The following MIS18BP1 variants were observed in gnomAD, a reference collection of about 807,000 sequenced individuals.
The protein encoded by MIS18BP1 is MIS18 binding protein 1.
In MIS18BP1, 72 loss-of-function variants were observed where a neutral mutation model predicts 116.1. That is an observed-to-expected ratio of 0.62 (90% CI 0.51 to 0.75). The LOEUF is 0.75. MIS18BP1 is among the 30% of genes least tolerant of loss of function. The probability of loss-of-function intolerance (pLI) is 0.00; values close to 1 mark genes in which losing one functional copy is unlikely to be tolerated. For synonymous variants in MIS18BP1, 386 were observed against 427.0 expected, an observed-to-expected ratio of 0.90 and a Z score of 1.18; for missense variants, 1,363 against 1,303.2, an observed-to-expected ratio of 1.05 and a Z score of -0.71.
intron 9 of MIS18BP1, 109 bp downstream of exon 9, chr14:45,227,549 GAAAAA>G: frequency 3.1e-6 from 2 of 645,834 alleles, no homozygotes; most frequent in Non-Finnish European, 4.6e-6. Flanking sequence ...CATCTCAAAA[GAAAAA>G]AAAAAAAAAA....
Position 45,247,077 on chromosome 14 carries a change from G to C in MIS18BP1, c.210C>G (p.Asn70Lys). 6.2e-7 allele frequency: 1 copy of C among 1,612,298 alleles called. No homozygotes were observed. Residue 70 changes from asparagine to lysine, a missense_variant, in exon 2 of 17, where the codon AAC becomes AAG. Physicochemically the swap from Asn to Lys is moderately conservative, Grantham distance 94 (BLOSUM62 0). Transcript: ENST00000310806. Reference protein sequence around the residue: ...KNQFLKMTTFNNKNIFQSTML... With the variant: ...KNQFLKMTTFKNKNIFQSTML... ...TAGTTGATTGAAATATATTTTTATT[G>C]TTAAAAGTTGTCATTTTTAGGAACT...
At chr14:45,233,775 A>G (rs1312618976) in intron 6 of MIS18BP1, among the ~76,000 whole-genome samples, 1 of 152,194 alleles carries the variant, frequency 6.6e-6, no homozygotes, top group African/African-American at 2.4e-5. Flanking sequence ...GGTTAAGCAA[A>G]TTTAAGGGAG....
intron 13 of MIS18BP1, among the ~76,000 whole-genome samples, chr14:45,213,172 G>A (rs1890722283): frequency 6.6e-6 from 1 of 152,158 alleles, no homozygotes; most frequent in Non-Finnish European, 1.5e-5. Flanking sequence ...CCAAAGTGCT[G>A]GGACTACAGG....
At position 45,232,831 on chromosome 14, in the gene MIS18BP1, A is replaced by G. The variant is rs373340723; in HGVS notation, c.1349-11T>C. ...GATAATTTGGATATCCTATTTAAGG[A>G]TAAACAACAACAAAAAGTATTTAAA... On this transcript the variant is annotated splice_polypyrimidine_tract_variant and intron_variant, in intron 6 of 16. Coordinates refer to ENST00000310806, the MANE Select transcript of MIS18BP1 (RefSeq NM_018353.5). The G allele has an allele frequency of 5.8e-6, 7 of 1,207,314 alleles. No individual in the cohort carries two copies. The African/African-American group carries it at 1.1e-4, about 18-fold the overall frequency. 74.8% of individuals were successfully genotyped at this position (1,207,314 alleles called of 1,614,324 possible). A position where few individuals can be genotyped will look rare whatever the true frequency, so the allele number is the denominator to read the frequency against.
At chr14:45,232,015 G>A (rs944307025) in intron 7 of MIS18BP1, among the ~76,000 whole-genome samples, 1 of 152,106 alleles carries the variant, frequency 6.6e-6, no homozygotes, top group East Asian at 1.9e-4. Context: ...ATTACTCTTT[G>A]ACATATGTCA....
intron 12 of MIS18BP1, 125 bp from the exon 13 acceptor site, chr14:45,217,304 C>T (rs1890847973): frequency 1.8e-6 from 2 of 1,124,104 alleles, no homozygotes; most frequent in East Asian, 4.8e-5. Flanking sequence ...AAAACTCAGC[C>T]TTGGCCAGGC....
intron 13 of MIS18BP1, among the ~76,000 whole-genome samples, chr14:45,215,392 C>T (rs1890787576): frequency 1.3e-5 from 2 of 152,126 alleles, no homozygotes; most frequent in Non-Finnish European, 2.9e-5. Context: ...GTCCAATTGT[C>T]TGTTATCCAC....
In MIS18BP1 at chr14:45,231,560, C is replaced by T. The variant is rs111873501; in HGVS notation, c.1437-262G>A. On this transcript the variant is annotated intron_variant, in intron 7 of 16. Transcript: ENST00000310806. Reference sequence around the variant, plus strand: ...TATGCTCTTATAATTCCTACTTAAACTGATATTATAGGAAAACTACAGGAC... The same window carrying T: ...TATGCTCTTATAATTCCTACTTAAATTGATATTATAGGAAAACTACAGGAC... The T allele has an allele frequency of 4.8e-3, 1,361 of 281,594 alleles. 28 individuals carry two copies. Among genetic ancestry groups the T allele is most frequent in the African/African-American group, 0.027 (1,245 of 45,982 alleles). 17.4% of individuals were successfully genotyped at this position (281,594 alleles called of 1,614,324 possible). A position where few individuals can be genotyped will look rare whatever the true frequency, so the allele number is the denominator to read the frequency against.
chr14:45,242,926 AG>A, intron 2 of MIS18BP1, 52 bp from the exon 3 acceptor site: 1 of 1,167,892 alleles, frequency 8.6e-7, no homozygotes, highest in Non-Finnish European at 1.2e-6. Flanking sequence ...TTAGTCACTA[AG>A]AAAAAAACAG....
In MIS18BP1 at chr14:45,237,652, A is replaced by G. The variant is rs537050061; in HGVS notation, c.1213T>C (p.Leu405=). ...NNTAICVEGK[L]IDVTNIYWHS... ...ATAATGAAATAGTATACTTACATCA[A>G]TTTTCCTTCTACACATATAGCAGTA... The change falls in exon 5 of 17, where the codon TTG becomes CTG. Residue 405 remains leucine (L), a synonymous_variant. Transcript: ENST00000310806. 13 of 1,593,514 alleles carry G rather than the reference A, an allele frequency of 8.2e-6. No individual in the cohort carries two copies. Among genetic ancestry groups the G allele is most frequent in the East Asian group, 6.9e-5 (3 of 43,670 alleles).
intron 6 of MIS18BP1, among the ~76,000 whole-genome samples, chr14:45,235,393 T>C (rs1223778919): frequency 6.6e-6 from 1 of 151,570 alleles, no homozygotes; most frequent in Admixed American, 6.6e-5. Flanking sequence ...GAAGTGGTCA[T>C]GCACAGGACC....
intron 4 of MIS18BP1, chr14:45,241,789 C>G: frequency 5.2e-6 from 2 of 381,142 alleles, no homozygotes; most frequent in South Asian, 6.9e-5. Flanking sequence ...GACTACACAA[C>G]TAGTAATAGA....
chr14:45,246,190 G>T (rs1891717442), intron 2 of MIS18BP1, among the ~76,000 whole-genome samples: 1 of 152,092 alleles, frequency 6.6e-6, no homozygotes, highest in African/African-American at 2.4e-5. Context: ...CCCTCCGATG[G>T]CTTATTCTGC....
intron 2 of MIS18BP1, among the ~76,000 whole-genome samples, chr14:45,244,861 GGTCT>G (rs1485571465): frequency 6.6e-6 from 1 of 152,022 alleles, no homozygotes; most frequent in Non-Finnish European, 1.5e-5. Flanking sequence ...GTTAACAATT[GGTCT>G]GTCTGTGTTC....
chr14:45,230,844 C>T (rs573926306), intron 8 of MIS18BP1, among the ~76,000 whole-genome samples: 49 of 152,266 alleles, frequency 3.2e-4, no homozygotes, highest in African/African-American at 1.1e-3. Context: ...TGGTCTCAAA[C>T]TCTTGAGCTC....
intron 8 of MIS18BP1, among the ~76,000 whole-genome samples, chr14:45,228,044 T>C (rs1380865473): frequency 6.6e-6 from 1 of 152,060 alleles, no homozygotes; most frequent in East Asian, 1.9e-4. Context: ...AAGCCTATGG[T>C]CCCAGATACT....
chr14:45,218,745 T>G (rs942026949), intron 11 of MIS18BP1, among the ~76,000 whole-genome samples: 4 of 151,750 alleles, frequency 2.6e-5, no homozygotes, highest in South Asian at 2.1e-4. Context: ...TTTTTTTTTC[T>G]AAGTCCAACT....
chr14:45,235,244 T>G (rs1891392129), intron 6 of MIS18BP1, among the ~76,000 whole-genome samples: 1 of 148,578 alleles, frequency 6.7e-6, no homozygotes, highest in Admixed American at 6.7e-5. Context: ...CTCTTAACAC[T>G]TCTGTATCCA....
chr14:45,216,134 G>GT (rs1343197195), intron 13 of MIS18BP1, among the ~76,000 whole-genome samples: 2 of 152,148 alleles, frequency 1.3e-5, no homozygotes, highest in African/African-American at 2.4e-5. Context: ...ATTGTTTCCA[G>GT]TTTTTTGCTA....
Sources: allele counts gnomAD v4.1 joint callset (sites outside exome capture counted in the v4.1 genomes callset), GRCh38; gene constraint gnomAD v4.1.1; transcripts MANE v1.5; gene names NCBI Gene and HGNC (gene_info 2026-07-23, HGNC 2026-07-21).